Variants in TYR observed in about 807,000 individuals in gnomAD.
The protein encoded by TYR is tyrosinase.
In TYR, 58 loss-of-function variants were observed where a neutral mutation model predicts 51.5. The observed-to-expected ratio is 1.13, with a 90% CI of 0.91 to 1.40. The LOEUF is 1.40. Ranked by LOEUF, TYR falls within the 40% of genes most tolerant of loss-of-function variation. The pLI is 0.00. For synonymous variants in TYR, 263 were observed against 235.2 expected, an observed-to-expected ratio of 1.12 and a Z score of -1.08; for missense variants, 732 against 647.4, an observed-to-expected ratio of 1.13 and a Z score of -1.42.
chr11:89,244,427 T>C (rs931954427), intron 3 of TYR, among the ~76,000 whole-genome samples: 2 of 152,174 alleles, frequency 1.3e-5, no homozygotes, highest in Non-Finnish European at 2.9e-5. Context: ...GCGAGAACCA[T>C]GTATTCAATG....
intron 3 of TYR, among the ~76,000 whole-genome samples, chr11:89,251,079 A>C (rs1372115802): frequency 6.6e-6 from 1 of 151,988 alleles, no homozygotes; most frequent in Non-Finnish European, 1.5e-5. Context: ...AATTTGCTGA[A>C]GAAATGAGAG....
chr11:89,267,347 TTGAC>T (rs1420230188), intron 3 of TYR, among the ~76,000 whole-genome samples: 13 of 151,914 alleles, frequency 8.6e-5, no homozygotes, highest in African/African-American at 2.4e-4. Flanking sequence ...TTCTTGGTCT[TTGAC>T]TGAAGATATA....
intron 3 of TYR, among the ~76,000 whole-genome samples, chr11:89,248,446 G>A (rs1035685349): frequency 6.6e-6 from 1 of 152,112 alleles, no homozygotes; most frequent in Non-Finnish European, 1.5e-5. Context: ...CGGAGAAGAG[G>A]TAGCCATAGA....
At chr11:89,224,931 T>C (rs1159350971) in intron 2 of TYR, among the ~76,000 whole-genome samples, 1 of 98,182 alleles carries the variant, frequency 1.0e-5, no homozygotes, top group African/African-American at 6.7e-5. Flanking sequence ...TAAAAACTAT[T>C]TTTTTTTTTG....
In TYR at chr11:89,191,238, C is replaced by A. The variant is rs1410870640; in HGVS notation, c.856C>A (p.Gln286Lys). ...CCGATTGGAGGAGTACAACAGCCAT[C>A]AGTCTTTATGCAATGGAACGCCCGA... ...CSRLEEYNSH[Q>K]SLCNGTPEGP... is the part of the protein sequence containing the mutation. Residue 286 changes from glutamine (Q) to lysine (K), a missense_variant, in exon 2 of 5, where the codon CAG becomes AAG. Gln to Lys is a moderately conservative substitution (Grantham distance 53). Coordinates refer to ENST00000263321, the MANE Select transcript of TYR (RefSeq NM_000372.5). 2 of 1,613,562 alleles carry A rather than the reference C, an allele frequency of 1.2e-6. No individual in the cohort carries two copies. Among genetic ancestry groups the A allele is most frequent in the South Asian group, 1.1e-5 (1 of 91,068 alleles).
chr11:89,212,742 A>G (rs1943776868), intron 2 of TYR, among the ~76,000 whole-genome samples: 1 of 152,100 alleles, frequency 6.6e-6, no homozygotes, highest in Non-Finnish European at 1.5e-5. Context: ...TATCCACCAC[A>G]ATCAAGTTGG....
intron 1 of TYR, among the ~76,000 whole-genome samples, chr11:89,187,422 C>T (rs1943388580): frequency 6.6e-6 from 1 of 152,066 alleles, no homozygotes; most frequent in Non-Finnish European, 1.5e-5. Flanking sequence ...TCAACTGTGC[C>T]TAATGCTATC....
intron 3 of TYR, among the ~76,000 whole-genome samples, chr11:89,254,564 T>A (rs1944366628): frequency 6.6e-6 from 1 of 151,798 alleles, no homozygotes; most frequent in South Asian, 2.1e-4. Flanking sequence ...GGTTGTGTAT[T>A]TCCAGGAATT....
chr11:89,270,151 C>T (rs1450814996), intron 3 of TYR, among the ~76,000 whole-genome samples: 3 of 151,932 alleles, frequency 2.0e-5, no homozygotes, highest in Admixed American at 6.6e-5. Flanking sequence ...CAGATATCCA[C>T]ATAATATCCT....
intron 1 of TYR, among the ~76,000 whole-genome samples, chr11:89,179,193 A>G (rs1259579430): frequency 1.3e-5 from 2 of 152,244 alleles, no homozygotes; most frequent in African/African-American, 4.8e-5. Context: ...CAGGATTCAT[A>G]TGGTGTACAA....
chr11:89,252,491 T>C (rs1399538636), intron 3 of TYR, among the ~76,000 whole-genome samples: 2 of 151,718 alleles, frequency 1.3e-5, no homozygotes, highest in Non-Finnish European at 3.0e-5. Context: ...TAGAAATCTG[T>C]ATCATTCATG....
Position 89,247,409 on chromosome 11 carries a change from T to G in TYR, c.1184+19439T>G, listed in dbSNP as rs189895468. ...ATTTTGTTGTGGAGTGAAATATTAA[T>G]CTAAGAGAGTTGAATTGCTTTCTAT... On this transcript the variant is annotated intron_variant, in intron 3 of 4. Coordinates refer to ENST00000263321, the MANE Select transcript of TYR (RefSeq NM_000372.5). 1.4e-3 allele frequency among the ~76,000 whole-genome samples: 211 copies of G among 152,318 alleles called. 2 individuals carry two copies. Among genetic ancestry groups the G allele is most frequent in the Non-Finnish European group, 1.1e-3 (75 of 68,028 alleles).
At chr11:89,198,964 A>G (rs1424917601) in intron 2 of TYR, among the ~76,000 whole-genome samples, 3 of 151,904 alleles carry the variant, frequency 2.0e-5, no homozygotes, top group Non-Finnish European at 4.4e-5. Flanking sequence ...CCTGTGTCCA[A>G]GCGTTCTCAT....
chr11:89,254,294 ATTG>A (rs1244549647), intron 3 of TYR, among the ~76,000 whole-genome samples: 1 of 150,932 alleles, frequency 6.6e-6, no homozygotes, highest in Non-Finnish European at 1.5e-5. Flanking sequence ...TTTTGTTGTT[ATTG>A]TTATGTTCTT....
intron 2 of TYR, among the ~76,000 whole-genome samples, chr11:89,220,861 T>C (rs1011090114): frequency 2.6e-5 from 4 of 152,104 alleles, no homozygotes; most frequent in African/African-American, 9.7e-5. Flanking sequence ...ACCTACCACA[T>C]AGGAATAGAA....
chr11:89,179,183 C>A (rs533709939), intron 1 of TYR, among the ~76,000 whole-genome samples: 2 of 152,112 alleles, frequency 1.3e-5, no homozygotes, highest in South Asian at 4.1e-4. Context: ...TTATTCACAA[C>A]AGGATTCATA....
At chr11:89,228,037 G>A in intron 3 of TYR, 67 bp downstream of exon 3, 1 of 1,577,906 alleles carries the variant, frequency 6.3e-7, no homozygotes, top group South Asian at 1.1e-5. Flanking sequence ...TATCAAATGT[G>A]ATTTAAGTTA....
chr11:89,193,469 T>C (rs1943474496), intron 2 of TYR, among the ~76,000 whole-genome samples: 1 of 152,132 alleles, frequency 6.6e-6, no homozygotes. Flanking sequence ...GTAAATTATT[T>C]TTTCCCATAA....
At chr11:89,269,718 A>G (rs1397702851) in intron 3 of TYR, among the ~76,000 whole-genome samples, 1 of 151,904 alleles carries the variant, frequency 6.6e-6, no homozygotes, top group Non-Finnish European at 1.5e-5. Context: ...TTTCTTAGCT[A>G]TGTAACAGGA....
Sources: allele counts gnomAD v4.1 joint callset (sites outside exome capture counted in the v4.1 genomes callset), GRCh38; gene constraint gnomAD v4.1.1; transcripts MANE v1.5; gene names NCBI Gene and HGNC (gene_info 2026-07-23, HGNC 2026-07-21).